Variants in FECH observed in about 807,000 individuals in gnomAD.
FECH encodes the protein ferrochelatase, mitochondrial.
FECH carries 40 observed loss-of-function variants against 56.9 expected under a neutral mutation model. The ratio of observed to expected loss-of-function variants is 0.70; its 90% CI spans 0.55 to 0.92. The LOEUF (loss-of-function observed/expected upper bound fraction) is 0.92. Ranked by LOEUF, FECH falls within the 40% of genes least tolerant of loss-of-function variation. The pLI is 0.00. For synonymous variants in FECH, 175 were observed against 198.6 expected, an observed-to-expected ratio of 0.88 and a Z score of 1.00; for missense variants, 431 against 529.1, an observed-to-expected ratio of 0.81 and a Z score of 1.82.
At position 57,559,761 on chromosome 18, in the gene FECH, A is replaced by C. The variant is rs561068367; in HGVS notation, c.706-518T>G. 7.4e-4 allele frequency among the ~76,000 whole-genome samples: 113 copies of C among 152,328 alleles called. 1 individual carries two copies. Among genetic ancestry groups the C allele is most frequent in the African/African-American group, 1.9e-3 (81 of 41,566 alleles). ...CTGAGCCTCATATCCCCATCAAGTC[A>C]ATTTTTATAAAAACCTTCACAACAA... On this transcript the variant is annotated intron_variant, in intron 6 of 10. Transcript: ENST00000262093.
At chr18:57,560,588 T>C (rs2050931687) in intron 6 of FECH, among the ~76,000 whole-genome samples, 1 of 152,196 alleles carries the variant, frequency 6.6e-6, no homozygotes, top group South Asian at 2.1e-4. Flanking sequence ...AAGGTTAAGG[T>C]TGCAGTGAGC....
intron 5 of FECH, among the ~76,000 whole-genome samples, chr18:57,564,685 T>C (rs765592324): frequency 6.6e-6 from 1 of 152,226 alleles, no homozygotes; most frequent in Non-Finnish European, 1.5e-5. Context: ...AGGGACTCCA[T>C]TCAAGGTTCA....
At chr18:57,583,504 G>A (rs553636788) in intron 1 of FECH, among the ~76,000 whole-genome samples, 1 of 152,372 alleles carries the variant, frequency 6.6e-6, no homozygotes, top group African/African-American at 2.4e-5. Context: ...GTGAAGATAA[G>A]AGGGGAAAAA....
intron 1 of FECH, 141 bp downstream of exon 1, chr18:57,586,413 C>T: frequency 1.1e-6 from 1 of 914,392 alleles, no homozygotes; most frequent in Non-Finnish European, 1.6e-6. Context: ...CTCCGCGACG[C>T]CCCTCGCCCG....
At chr18:57,585,523 A>C (rs1284005953) in intron 1 of FECH, among the ~76,000 whole-genome samples, 1 of 152,226 alleles carries the variant, frequency 6.6e-6, no homozygotes, top group African/African-American at 2.4e-5. Flanking sequence ...CTTCTTAAAA[A>C]ACAATGCCCT....
intron 5 of FECH, among the ~76,000 whole-genome samples, chr18:57,566,102 G>C (rs2051012558): frequency 6.6e-6 from 1 of 152,190 alleles, no homozygotes; most frequent in Non-Finnish European, 1.5e-5. Context: ...TGCTACATCA[G>C]TAAGAAAATC....
At chr18:57,585,494 G>C (rs960538926) in intron 1 of FECH, among the ~76,000 whole-genome samples, 3 of 152,160 alleles carry the variant, frequency 2.0e-5, no homozygotes, top group Admixed American at 6.6e-5. Context: ...TCAGCCCCAC[G>C]ACTGGCACTG....
chr18:57,551,345 C>T lies in FECH; in HGVS notation c.1107G>A (p.Glu369=). Residue 369 remains glutamate (E), a synonymous_variant, in exon 10 of 11, where the codon GAG becomes GAA. Coordinates refer to ENST00000262093, the MANE Select transcript of FECH (RefSeq NM_000140.5). ...AGAACAATGGATTTCCATTAAGAGA[C>T]TCAGCTCTTCTGATGTTTTCAACTC... ...ECGVENIRRA[E]SLNGNPLFSK... 2 of 1,613,200 alleles carry T rather than the reference C, an allele frequency of 1.2e-6. No individual in the cohort carries two copies. The highest frequency in any genetic ancestry group is 8.5e-7 in the Non-Finnish European group (1 of 1,179,264).
chr18:57,554,680 TC>T (rs1190249725), intron 8 of FECH, among the ~76,000 whole-genome samples, 164 bp downstream of exon 8: 2 of 152,214 alleles, frequency 1.3e-5, no homozygotes, highest in African/African-American at 4.8e-5. Flanking sequence ...TCACTTGATT[TC>T]CCCTTCTATC....
rs1240817146 is a variant in FECH, at chr18:57,550,212, A to G, written c.*500T>C. 1 of 153,106 alleles carries G rather than the reference A, an allele frequency of 6.5e-6. No homozygotes were observed. The highest frequency in any genetic ancestry group is 1.5e-5 in the Non-Finnish European group (1 of 68,700). 9.5% of individuals were successfully genotyped at this position (153,106 alleles called of 1,614,324 possible). ...CAGGTAACCAAATTGCCTCCCTAGC[A>G]TTCTGTAACCCATGGGCTTAGGGAA... On this transcript the variant is annotated 3_prime_UTR_variant, in exon 11 of 11. Coordinates refer to ENST00000262093, the MANE Select transcript of FECH (RefSeq NM_000140.5).
In FECH at chr18:57,550,449, T is replaced by C. The variant is rs921409849; in HGVS notation, c.*263A>G. 2.4e-6 allele frequency: 1 copy of C among 423,726 alleles called. No homozygotes were observed. The highest frequency in any genetic ancestry group is 2.0e-5 in the African/African-American group (1 of 49,858). The allele number at this position is 423,726 out of a possible 1,614,324, so 26.2% of individuals were successfully genotyped here. ...TCTCATAAGACAAATTTTTAACTCATTTATTAAAGGTCCTGATGGACATTC... is the reference window on the plus strand; with the variant it reads ...TCTCATAAGACAAATTTTTAACTCACTTATTAAAGGTCCTGATGGACATTC... On this transcript the variant is annotated 3_prime_UTR_variant, in exon 11 of 11. Transcript: ENST00000262093.
At chr18:57,551,949 T>C (rs112064772) in intron 9 of FECH, among the ~76,000 whole-genome samples, 222 of 151,220 alleles carry the variant, frequency 1.5e-3, no homozygotes, top group African/African-American at 4.9e-3. Context: ...AGTGGCGCAA[T>C]CTCGGCTCAC....
At chr18:57,566,635 T>A in intron 4 of FECH, 54 bp from the exon 5 acceptor site, 1 of 1,605,010 alleles carries the variant, frequency 6.2e-7, no homozygotes, top group Non-Finnish European at 8.5e-7. Flanking sequence ...TATAGATTCC[T>A]CAGAGTCAAC....
intron 2 of FECH, among the ~76,000 whole-genome samples, chr18:57,576,862 C>T (rs2051192608): frequency 6.6e-6 from 1 of 152,188 alleles, no homozygotes; most frequent in Non-Finnish European, 1.5e-5. Context: ...GGGTCTCCAT[C>T]TCCTCTCCCT....
At chr18:57,582,654 C>T (rs961919172) in intron 1 of FECH, among the ~76,000 whole-genome samples, 8 of 151,668 alleles carry the variant, frequency 5.3e-5, no homozygotes, top group African/African-American at 1.9e-4. Flanking sequence ...TGGTTCATGC[C>T]TGTAATCCCA....
At chr18:57,552,531 G>A (rs369116167) in intron 9 of FECH, among the ~76,000 whole-genome samples, 63 of 152,080 alleles carry the variant, frequency 4.1e-4, no homozygotes, top group African/African-American at 1.4e-3. Flanking sequence ...CTCCCAAGTA[G>A]CTGGGATTAC....
chr18:57,578,069 T>A (rs1397639713), intron 2 of FECH, among the ~76,000 whole-genome samples: 3 of 152,232 alleles, frequency 2.0e-5, no homozygotes, highest in Non-Finnish European at 4.4e-5. Context: ...TTAATAATAT[T>A]AAGCCTACTT....
rs994769328 is a variant in FECH, at chr18:57,549,522, G to A, written c.*1190C>T. On this transcript the variant is annotated 3_prime_UTR_variant, in exon 11 of 11. Transcript: ENST00000262093. ...TTTACAAATTCTTCATGGAACCACC[G>A]GGGATCTTTTAATCCATTTAAATAC... 27 of 146,692 alleles carry A rather than the reference G, an allele frequency of 1.8e-4. No individual in the cohort carries two copies. Among genetic ancestry groups the A allele is most frequent in the East Asian group, 1.2e-3 (5 of 4,342 alleles). 9.1% of individuals were successfully genotyped at this position (146,692 alleles called of 1,614,324 possible).
At chr18:57,571,339 T>C in intron 4 of FECH, 53 bp downstream of exon 4, 1 of 1,590,400 alleles carries the variant, frequency 6.3e-7, no homozygotes, top group Non-Finnish European at 8.6e-7. Context: ...TTGAATTTCA[T>C]AACTACTTCG....
Sources: allele counts gnomAD v4.1 joint callset (sites outside exome capture counted in the v4.1 genomes callset), GRCh38; gene constraint gnomAD v4.1.1; transcripts MANE v1.5; gene names NCBI Gene and HGNC (gene_info 2026-07-23, HGNC 2026-07-21).